Variants in DCC observed in about 807,000 individuals in gnomAD.
DCC encodes the protein netrin receptor DCC.
In DCC, 58 loss-of-function variants were observed where a neutral mutation model predicts 172.5. That is an observed-to-expected ratio of 0.34 (90% CI 0.27 to 0.42). The LOEUF is 0.42. Among genes scored for constraint, DCC ranks in the 10% least tolerant of loss-of-function variants. The pLI is 1.00. For synonymous variants in DCC, 709 were observed against 644.5 expected (o/e 1.10, Z -1.52); for missense variants, 1,740 against 1,791.0 (o/e 0.97, Z 0.51).
intron 7 of DCC, among the ~76,000 whole-genome samples, chr18:53,069,359 C>T (rs909243110): frequency 3.9e-5 from 6 of 152,100 alleles, no homozygotes; most frequent in African/African-American, 1.2e-4. Flanking sequence ...AGCTCTATTT[C>T]GACCCTTGAG....
chr18:53,139,385 A>C (rs772776277), intron 7 of DCC, among the ~76,000 whole-genome samples: 1 of 152,204 alleles, frequency 6.6e-6, no homozygotes, highest in Non-Finnish European at 1.5e-5. Context: ...ATTTGTCTTT[A>C]AAATGAGGAA....
intron 12 of DCC, among the ~76,000 whole-genome samples, chr18:53,273,254 T>C (rs897330434): frequency 6.6e-6 from 1 of 152,172 alleles, no homozygotes; most frequent in African/African-American, 2.4e-5. Context: ...TTTTTCATAA[T>C]ATGAAATTAT....
chr18:52,717,750 T>C (rs1448427408), intron 1 of DCC, among the ~76,000 whole-genome samples: 8 of 152,174 alleles, frequency 5.3e-5, no homozygotes, highest in African/African-American at 2.4e-5. Context: ...AAAAGACATA[T>C]TTATTTAACT....
intron 15 of DCC, among the ~76,000 whole-genome samples, chr18:53,351,465 TGTATA>T (rs2057810956): frequency 5.7e-5 from 1 of 17,448 alleles, no homozygotes; most frequent in Non-Finnish European, 1.2e-4. Context: ...ATACACAGTG[TGTATA>T]TATATATATA....
At chr18:52,482,953 A>G (rs571737942) in intron 1 of DCC, among the ~76,000 whole-genome samples, 1 of 152,228 alleles carries the variant, frequency 6.6e-6, no homozygotes, top group South Asian at 2.1e-4. Flanking sequence ...ATTGAAATGT[A>G]TTTATTTTCA....
At chr18:53,167,960 G>T (rs546212498) in intron 8 of DCC, among the ~76,000 whole-genome samples, 4 of 152,130 alleles carry the variant, frequency 2.6e-5, no homozygotes, top group African/African-American at 7.2e-5. Flanking sequence ...GGTAACTCCA[G>T]GCTCATCATC....
intron 2 of DCC, among the ~76,000 whole-genome samples, chr18:52,779,965 A>G (rs574167408): frequency 1.3e-5 from 2 of 152,338 alleles, no homozygotes; most frequent in East Asian, 3.9e-4. Flanking sequence ...ATTTTGATTG[A>G]AATGCATTCA....
chr18:52,432,241 C>G (rs751990265), intron 1 of DCC, among the ~76,000 whole-genome samples: 7 of 152,072 alleles, frequency 4.6e-5, no homozygotes, highest in Non-Finnish European at 1.0e-4. Flanking sequence ...CTCTCATGAT[C>G]AGGAGTGGAG....
At chr18:52,350,080 T>C (rs1200905465) in intron 1 of DCC, among the ~76,000 whole-genome samples, 1 of 152,204 alleles carries the variant, frequency 6.6e-6, no homozygotes, top group Non-Finnish European at 1.5e-5. Flanking sequence ...TGAGATATTA[T>C]AAGGACCAAA....
chr18:53,366,912 A>C (rs1389867198), intron 15 of DCC, among the ~76,000 whole-genome samples: 2 of 152,314 alleles, frequency 1.3e-5, no homozygotes, highest in Admixed American at 1.3e-4. Context: ...ACTTACACCC[A>C]GAGATGGAAG....
At chr18:53,317,860 T>C (rs1162557255) in intron 13 of DCC, among the ~76,000 whole-genome samples, 2 of 152,216 alleles carry the variant, frequency 1.3e-5, no homozygotes, top group African/African-American at 4.8e-5. Context: ...TGTGTCTATT[T>C]GATTATTCTC....
At chr18:53,049,785 A>G (rs896949798) in intron 5 of DCC, among the ~76,000 whole-genome samples, 2 of 152,022 alleles carry the variant, frequency 1.3e-5, no homozygotes, top group Admixed American at 1.3e-4. Context: ...GCTTTGCGCA[A>G]TGTACTAGTC....
In DCC at chr18:53,502,619, T is replaced by TA. The variant is rs550045158; in HGVS notation, c.4111+3117dup. Among the ~76,000 whole-genome samples, 728 of 152,030 alleles carry TA rather than the reference T, an allele frequency of 4.8e-3. 12 individuals carry two copies. Among genetic ancestry groups the TA allele is most frequent in the Middle Eastern group, 0.014 (4 of 290 alleles). ...GTAAAGTCATTCTCTTGTCAGCTTT[T>TA]AAAAAAAATACCTCAAATAATTTTA... is the stretch of plus-strand genomic sequence containing the variant. On this transcript the variant is annotated intron_variant, in intron 27 of 28. Transcript: ENST00000442544.
chr18:53,461,302 A>C (rs1157443284), intron 24 of DCC, among the ~76,000 whole-genome samples: 1 of 151,256 alleles, frequency 6.6e-6, no homozygotes, highest in African/African-American at 2.4e-5. Flanking sequence ...CCCATTTGTC[A>C]ATTTTGTCTT....
At chr18:52,513,044 C>T (rs970620157) in intron 1 of DCC, among the ~76,000 whole-genome samples, 1 of 151,744 alleles carries the variant, frequency 6.6e-6, no homozygotes, top group Non-Finnish European at 1.5e-5. Flanking sequence ...TCCTGTGATC[C>T]CTAAAGAGAA....
intron 27 of DCC, among the ~76,000 whole-genome samples, chr18:53,506,859 C>CTCA (rs2046184870): frequency 7.5e-6 from 1 of 133,380 alleles, no homozygotes; most frequent in Non-Finnish European, 1.6e-5. Flanking sequence ...GACTCCATCT[C>CTCA]AAAAAAAAAA....
intron 7 of DCC, among the ~76,000 whole-genome samples, chr18:53,079,646 G>C (rs2042770674): frequency 1.3e-5 from 2 of 152,092 alleles, no homozygotes; most frequent in Admixed American, 6.6e-5. Flanking sequence ...CAAGATATAG[G>C]GGTAAGAAAA....
chr18:52,967,885 G>A (rs564569497), intron 5 of DCC, among the ~76,000 whole-genome samples: 1 of 152,266 alleles, frequency 6.6e-6, no homozygotes, highest in East Asian at 1.9e-4. Flanking sequence ...ATGTTGTATG[G>A]ATAATGGATG....
intron 5 of DCC, among the ~76,000 whole-genome samples, chr18:52,986,617 A>G (rs2041297084): frequency 6.6e-6 from 1 of 151,966 alleles, no homozygotes; most frequent in Non-Finnish European, 1.5e-5. Flanking sequence ...CTTTTTTCAG[A>G]ACTGTTATAA....
Sources: allele counts gnomAD v4.1 joint callset (sites outside exome capture counted in the v4.1 genomes callset), GRCh38; gene constraint gnomAD v4.1.1; transcripts MANE v1.5; gene names NCBI Gene and HGNC (gene_info 2026-07-23, HGNC 2026-07-21).